Variants in CHD6 observed in about 807,000 individuals in gnomAD.
CHD6 encodes the protein ATP-dependent chromatin remodeler CHD6.
Under a neutral mutation model 276.9 loss-of-function variants are expected in CHD6, and 50 were observed. That is an observed-to-expected ratio of 0.18 (90% CI 0.14 to 0.23). CHD6 has a LOEUF of 0.23. CHD6 is among the 10% of genes least tolerant of loss of function. The probability of loss-of-function intolerance (pLI) is 1.00; values close to 1 mark genes in which losing one functional copy is unlikely to be tolerated. For missense variants in CHD6, 2,564 were observed against 3,365.8 expected, an observed-to-expected ratio of 0.76 and a Z score of 5.89; for synonymous variants, 1,173 against 1,229.3, an observed-to-expected ratio of 0.95 and a Z score of 0.96.
intron 3 of CHD6, among the ~76,000 whole-genome samples, chr20:41,531,659 T>C (rs2044688043): frequency 6.6e-6 from 1 of 152,212 alleles, no homozygotes; most frequent in Admixed American, 6.5e-5. Flanking sequence ...CACCCAAGTT[T>C]CTGTGGTAGA....
chr20:41,601,127 G>C lies in CHD6; in HGVS notation c.-24+17213C>G, dbSNP rs575001108. Among the ~76,000 whole-genome samples, 21 of 152,270 alleles carry C rather than the reference G, an allele frequency of 1.4e-4. No homozygotes were observed. In the South Asian group the frequency reaches 3.5e-3, roughly 26 times the overall value. On this transcript the variant is annotated intron_variant, in intron 1 of 36. Coordinates refer to ENST00000373233, the MANE Select transcript of CHD6 (RefSeq NM_032221.5). ...TATTCATCCTTCAAATCCCAACTCA[G>C]ATGTTAACTCTTCTGGGAAGTTCTT...
At chr20:41,477,205 C>A (rs2043187710) in intron 16 of CHD6, among the ~76,000 whole-genome samples, 1 of 152,022 alleles carries the variant, frequency 6.6e-6, no homozygotes, top group African/African-American at 2.4e-5. Context: ...CACGCCACTG[C>A]CCTCTAGCTT....
intron 1 of CHD6, among the ~76,000 whole-genome samples, chr20:41,574,891 C>T (rs967949026): frequency 8.5e-5 from 13 of 152,214 alleles, no homozygotes; most frequent in Admixed American, 2.0e-4. Context: ...ACTTTCCATA[C>T]AAACAAAAGG....
intron 32 of CHD6, 55 bp downstream of exon 32, chr20:41,417,143 A>T (rs2047024414): frequency 2.0e-6 from 3 of 1,526,846 alleles, no homozygotes; most frequent in Admixed American, 2.1e-5. Flanking sequence ...AAAAAAAGCA[A>T]TTCAAAGCTG....
chr20:41,497,636 G>T, intron 7 of CHD6, 135 bp from the exon 8 acceptor site: 1 of 718,030 alleles, frequency 1.4e-6, no homozygotes, highest in Non-Finnish European at 2.5e-6. Flanking sequence ...TGGAGATTGG[G>T]CTTAGAAAGA....
intron 5 of CHD6, among the ~76,000 whole-genome samples, chr20:41,512,630 TG>T (rs2145963451): frequency 6.6e-6 from 1 of 152,176 alleles, no homozygotes; most frequent in South Asian, 2.1e-4. Context: ...ATGAAGAATT[TG>T]GCAAAACAAG....
chr20:41,446,820 C>T (rs1284054739), intron 24 of CHD6, among the ~76,000 whole-genome samples: 9 of 152,150 alleles, frequency 5.9e-5, no homozygotes, highest in South Asian at 4.1e-4. Flanking sequence ...GACAGAGGAA[C>T]GCAGAGGAAG....
chr20:41,595,241 A>G lies in CHD6; in HGVS notation c.-24+23099T>C, dbSNP rs563848147. ...TGCACAGACCAATGTAAGAAAATCC[A>G]TGGGGCAGTGAAGTACTTCCTTGGT... On this transcript the variant is annotated intron_variant, in intron 1 of 36. Coordinates refer to ENST00000373233, the MANE Select transcript of CHD6 (RefSeq NM_032221.5). Among the ~76,000 whole-genome samples the G allele has an allele frequency of 5.7e-4, 87 of 152,316 alleles. 1 individual carries two copies. Among genetic ancestry groups the G allele is most frequent in the African/African-American group, 2.0e-3 (84 of 41,578 alleles).
intron 6 of CHD6, among the ~76,000 whole-genome samples, chr20:41,498,803 ATGTATGTATGTGTG>A (rs1175304047): frequency 0.012 from 1,182 of 95,982 alleles, 6 homozygotes; most frequent in African/African-American, 0.034. Flanking sequence ...GTATGTATGT[ATGTATGTATGTGTG>A]TGTGTGTGTG....
chr20:41,511,187 T>G (rs899459932), intron 5 of CHD6, among the ~76,000 whole-genome samples: 6 of 152,258 alleles, frequency 3.9e-5, no homozygotes, highest in Admixed American at 1.3e-4. Flanking sequence ...CGAGGAAGAT[T>G]AAGTACTATC....
In CHD6 at chr20:41,423,581, T is replaced by C. The variant is rs763461122; in HGVS notation, c.4466A>G (p.Lys1489Arg). The change falls in exon 30 of 37, where the codon AAG becomes AGG. Residue 1489 changes from lysine to arginine, a missense_variant. Transcript: ENST00000373233. Reference sequence around the variant, plus strand: ...CTGTTCCAGGCTCTCATCCGACTTCTTGTCCAAACGGGAAATGATGCGGAA... The same window carrying C: ...CTGTTCCAGGCTCTCATCCGACTTCCTGTCCAAACGGGAAATGATGCGGAA... ...TQFRIISRLDKKSDESLEQYF... is the reference protein window; with the variant it reads ...TQFRIISRLDRKSDESLEQYF... The C allele has an allele frequency of 6.2e-7, 1 of 1,614,238 alleles. No homozygotes were observed. Among genetic ancestry groups the C allele is most frequent in the South Asian group, 1.1e-5 (1 of 91,088 alleles).
In CHD6 at chr20:41,447,613, A is replaced by C. The variant is rs368711235; in HGVS notation, c.3773+269T>G. ...ACAGTAAATGACTGTTTTAAAAGAAAATTTATAACACTTTTGAGGGAAATA... is the reference window on the plus strand; with the variant it reads ...ACAGTAAATGACTGTTTTAAAAGAACATTTATAACACTTTTGAGGGAAATA... On this transcript the variant is annotated intron_variant, in intron 24 of 36. Coordinates refer to ENST00000373233, the MANE Select transcript of CHD6 (RefSeq NM_032221.5). Among the ~76,000 whole-genome samples the C allele has an allele frequency of 2.8e-4, 43 of 152,336 alleles. No homozygotes were observed. The East Asian group carries it at 5.8e-3, about 21-fold the overall frequency.
chr20:41,437,262 C>T lies in CHD6; in HGVS notation c.4068+12G>A, dbSNP rs187590317. The T allele has an allele frequency of 6.2e-6, 10 of 1,604,372 alleles. No homozygotes were observed. In the Admixed American group the frequency reaches 1.2e-4, roughly 19 times the overall value. On this transcript the variant is annotated intron_variant, in intron 27 of 36. Coordinates refer to ENST00000373233, the MANE Select transcript of CHD6 (RefSeq NM_032221.5). ...GACGGTGTAAATGACCAATACTGCA[C>T]ATTTGACTCACCGTTTGTTTCTGGA... is the stretch of plus-strand genomic sequence containing the variant.
intron 1 of CHD6, among the ~76,000 whole-genome samples, chr20:41,610,743 G>A (rs1274917662): frequency 6.7e-6 from 1 of 150,122 alleles, no homozygotes; most frequent in Non-Finnish European, 1.5e-5. Flanking sequence ...GGGTGACAGA[G>A]TGAGACTCCG....
intron 1 of CHD6, among the ~76,000 whole-genome samples, chr20:41,574,844 G>A (rs149605356): frequency 4.6e-5 from 7 of 152,122 alleles, no homozygotes; most frequent in Non-Finnish European, 7.4e-5. Context: ...ACCTAAGGCC[G>A]ATTCACGCCT....
intron 3 of CHD6, among the ~76,000 whole-genome samples, chr20:41,522,408 T>C (rs1258972050): frequency 6.6e-6 from 1 of 152,010 alleles, no homozygotes; most frequent in Non-Finnish European, 1.5e-5. Context: ...AAGATGCGCA[T>C]GGTGCAGAAT....
intron 17 of CHD6, among the ~76,000 whole-genome samples, chr20:41,471,635 A>G (rs2043055374): frequency 6.6e-6 from 1 of 151,738 alleles, no homozygotes; most frequent in African/African-American, 2.4e-5. Context: ...TCGTGGGTTC[A>G]TGCCATTCTC....
chr20:41,435,824 A>G (rs757147642), intron 27 of CHD6, among the ~76,000 whole-genome samples: 1 of 152,148 alleles, frequency 6.6e-6, no homozygotes, highest in Non-Finnish European at 1.5e-5. Flanking sequence ...AAGAAGAAAA[A>G]AGTGGGAGGT....
intron 33 of CHD6, among the ~76,000 whole-genome samples, chr20:41,416,293 G>A (rs148817442): frequency 1.1e-4 from 16 of 152,096 alleles, no homozygotes; most frequent in African/African-American, 3.4e-4. Flanking sequence ...TGAAACAACC[G>A]GGGTCTAGAA....
Sources: allele counts gnomAD v4.1 joint callset (sites outside exome capture counted in the v4.1 genomes callset), GRCh38; gene constraint gnomAD v4.1.1; transcripts MANE v1.5; gene names NCBI Gene and HGNC (gene_info 2026-07-23, HGNC 2026-07-21).